LRRC3B: variants seen among roughly 807,000 people sequenced by gnomAD.
LRRC3B encodes the protein leucine-rich repeat-containing protein 3B.
In LRRC3B, 2 loss-of-function variants were observed where a neutral mutation model predicts 12.8. The observed-to-expected ratio is 0.16, with a 90% CI of 0.06 to 0.49. LRRC3B has a LOEUF of 0.49. Among genes scored for constraint, LRRC3B ranks in the 20% least tolerant of loss-of-function variants. LRRC3B has a pLI of 0.96. For synonymous variants in LRRC3B, 132 were observed against 122.0 expected, an observed-to-expected ratio of 1.08 and a Z score of -0.54; for missense variants, 189 against 319.4, an observed-to-expected ratio of 0.59 and a Z score of 3.11.
chr3:26,634,865 C>T (rs926739498), intron 1 of LRRC3B, among the ~76,000 whole-genome samples: 13 of 152,150 alleles, frequency 8.5e-5, no homozygotes, highest in Admixed American at 2.0e-4. Flanking sequence ...TTCATTGGGC[C>T]TGGTTAAAAG....
intron 1 of LRRC3B, among the ~76,000 whole-genome samples, chr3:26,661,253 A>G (rs575340473): frequency 6.6e-6 from 1 of 152,288 alleles, no homozygotes; most frequent in African/African-American, 2.4e-5. Context: ...CTCTCTTAAG[A>G]CTTGCACTGC....
Position 26,705,326 on chromosome 3 carries a change from C to T in LRRC3B, c.-160-4187C>T, listed in dbSNP as rs144344643. On this transcript the variant is annotated intron_variant, in intron 1 of 1. Coordinates refer to ENST00000396641, the Ensembl canonical transcript of LRRC3B. ...ATTCTCCTTTGGGGTGCAGTGCATACTTAAACACCACATCTAGAAATATTA... is the reference window on the plus strand; with the variant it reads ...ATTCTCCTTTGGGGTGCAGTGCATATTTAAACACCACATCTAGAAATATTA... 4.2e-4 allele frequency among the ~76,000 whole-genome samples: 64 copies of T among 151,952 alleles called. 1 individual carries two copies. The highest frequency in any genetic ancestry group is 2.0e-3 in the Admixed American group (30 of 15,214).
chr3:26,705,513 C>T (rs1007391890), intron 1 of LRRC3B, among the ~76,000 whole-genome samples: 1 of 151,964 alleles, frequency 6.6e-6, no homozygotes, highest in Non-Finnish European at 1.5e-5. Flanking sequence ...GAAAGACAGG[C>T]AGTATTGCTG....
rs143750187 is a variant in LRRC3B, at chr3:26,673,089, A to AAGTT, written c.-160-36422_-160-36419dup. 2.1e-3 allele frequency among the ~76,000 whole-genome samples: 314 copies of AAGTT among 152,304 alleles called. 7 individuals are homozygous for AAGTT. The East Asian group carries it at 0.03, about 15-fold the overall frequency. On this transcript the variant is annotated intron_variant, in intron 1 of 1. Transcript: ENST00000396641. ...TGTTGCCACATGAAATAAATCTTAG[A>AAGTT]AGTTACTCTTAAATAAAACAAAGGT...
At chr3:26,666,342 T>A (rs1699602932) in intron 1 of LRRC3B, among the ~76,000 whole-genome samples, 1 of 152,084 alleles carries the variant, frequency 6.6e-6, no homozygotes, top group South Asian at 2.1e-4. Context: ...AAGACAATTA[T>A]TTTTTTCAGC....
intron 1 of LRRC3B, among the ~76,000 whole-genome samples, chr3:26,678,929 G>C (rs1699916788): frequency 6.6e-6 from 1 of 152,106 alleles, no homozygotes; most frequent in Admixed American, 6.5e-5. Context: ...TCTAACCTCA[G>C]ATCTTCCAGG....
chr3:26,670,252 TGAGA>T (rs1255446844), intron 1 of LRRC3B, among the ~76,000 whole-genome samples: 4 of 152,266 alleles, frequency 2.6e-5, no homozygotes, highest in Admixed American at 1.3e-4. Flanking sequence ...CTTGCAGAAA[TGAGA>T]GAGAGATGAA....
intron 1 of LRRC3B, among the ~76,000 whole-genome samples, chr3:26,635,293 A>G (rs781209565): frequency 3.9e-5 from 6 of 152,156 alleles, no homozygotes; most frequent in Admixed American, 6.5e-5. Flanking sequence ...GATTTGAGAC[A>G]CCTTGGTCTA....
chr3:26,686,314 C>T (rs914963407), intron 1 of LRRC3B, among the ~76,000 whole-genome samples: 10 of 152,274 alleles, frequency 6.6e-5, no homozygotes, highest in Admixed American at 1.3e-4. Context: ...CTCCTGGCCT[C>T]GTGATCCGCC....
chr3:26,671,371 T>TAGAGAGAGAGAGAGAG (rs1207421811), intron 1 of LRRC3B, among the ~76,000 whole-genome samples: 56 of 35,942 alleles, frequency 1.6e-3, no homozygotes, highest in Non-Finnish European at 1.9e-3. Context: ...TATATATATA[T>TAGAGAGAGAGAGAGAG]ATAGAGAGAG....
chr3:26,643,186 G>A (rs1434014054), intron 1 of LRRC3B, among the ~76,000 whole-genome samples: 1 of 152,024 alleles, frequency 6.6e-6, no homozygotes, highest in Non-Finnish European at 1.5e-5. Context: ...ATTCATGGTT[G>A]TAAGAGGACT....
At chr3:26,674,985 G>C (rs141612006) in intron 1 of LRRC3B, among the ~76,000 whole-genome samples, 1 of 152,120 alleles carries the variant, frequency 6.6e-6, no homozygotes, top group Non-Finnish European at 1.5e-5. Context: ...GATATTCCGT[G>C]ACATGACTTG....
At chr3:26,661,842 A>G (rs1699498565) in intron 1 of LRRC3B, among the ~76,000 whole-genome samples, 1 of 152,140 alleles carries the variant, frequency 6.6e-6, no homozygotes, top group African/African-American at 2.4e-5. Flanking sequence ...TTTAGATTCT[A>G]CCAGCTCAGG....
At chr3:26,646,610 A>AC (rs1699152293) in intron 1 of LRRC3B, among the ~76,000 whole-genome samples, 1 of 35,428 alleles carries the variant, frequency 2.8e-5, no homozygotes, top group African/African-American at 8.7e-5. Context: ...AAAAAAAAAA[A>AC]AAAAAAAAAA....
intron 1 of LRRC3B, among the ~76,000 whole-genome samples, chr3:26,686,937 G>A (rs1700100414): frequency 6.6e-6 from 1 of 152,148 alleles, no homozygotes; most frequent in African/African-American, 2.4e-5. Flanking sequence ...ATTGGATGTG[G>A]GCTGTTTCTG....
At position 26,645,784 on chromosome 3, in the gene LRRC3B, G is replaced by T. The variant is rs183155972; in HGVS notation, c.-161+22547G>T. Among the ~76,000 whole-genome samples the T allele has an allele frequency of 9.2e-5, 14 of 152,060 alleles. No homozygotes were observed. In the East Asian group the frequency reaches 2.7e-3, roughly 29 times the overall value. ...CTTGTAATGGAAAAAAAATTATGAG[G>T]GTATCATGTCAGAAAGTGATTGAGG... On this transcript the variant is annotated intron_variant, in intron 1 of 1. Coordinates refer to ENST00000396641, the Ensembl canonical transcript of LRRC3B.
chr3:26,635,538 A>C (rs1400444913), intron 1 of LRRC3B, among the ~76,000 whole-genome samples: 1 of 152,012 alleles, frequency 6.6e-6, no homozygotes, highest in Admixed American at 6.5e-5. Flanking sequence ...CCATGTGAGG[A>C]CACAGTGAGA....
chr3:26,688,105 G>A (rs1288236595), intron 1 of LRRC3B, among the ~76,000 whole-genome samples: 1 of 152,176 alleles, frequency 6.6e-6, no homozygotes, highest in Non-Finnish European at 1.5e-5. Flanking sequence ...TATAATAACA[G>A]ATTAATAGAA....
At chr3:26,668,056 A>T (rs112358456) in intron 1 of LRRC3B, among the ~76,000 whole-genome samples, 1 of 152,264 alleles carries the variant, frequency 6.6e-6, no homozygotes, top group African/African-American at 2.4e-5. Flanking sequence ...TTTTCAGAGT[A>T]CATGATGGGG....
Sources: gnomAD v4.1 joint callset for allele counts (sites outside exome capture counted in the v4.1 genomes callset) on GRCh38, gnomAD v4.1.1 for gene constraint, MANE v1.5 for transcripts, NCBI Gene and HGNC (gene_info 2026-07-23, HGNC 2026-07-21) for gene names.